ARCN1: variants seen among roughly 807,000 people sequenced by gnomAD.
The protein encoded by ARCN1 is archain 1 coat protein complex I subunit delta.
Under a neutral mutation model 60.4 loss-of-function variants are expected in ARCN1, and 5 were observed. That is an observed-to-expected ratio of 0.08 (90% CI 0.04 to 0.17). ARCN1 has a LOEUF of 0.17. ARCN1 is among the 10% of genes least tolerant of loss of function. The pLI is 1.00. For synonymous variants in ARCN1, 224 were observed against 220.0 expected, an observed-to-expected ratio of 1.02 and a Z score of -0.16; for missense variants, 464 against 626.5, an observed-to-expected ratio of 0.74 and a Z score of 2.77.
At chr11:118,584,457 G>T (rs782755055) in intron 4 of ARCN1, 23 bp from the exon 5 acceptor site, 2 of 1,591,580 alleles carry the variant, frequency 1.3e-6, no homozygotes, top group East Asian at 2.2e-5. Flanking sequence ...TTTGGGTAAT[G>T]AATTTCAAAT....
intron 8 of ARCN1, among the ~76,000 whole-genome samples, chr11:118,597,402 T>C (rs1408487847): frequency 6.6e-6 from 1 of 152,208 alleles, no homozygotes; most frequent in Non-Finnish European, 1.5e-5. Context: ...AACATAGCCA[T>C]CTTAACACAT....
chr11:118,597,866 T>C lies in ARCN1; in HGVS notation c.1401T>C (p.Pro467=). ...SIAGQPNDFF[P]VQVSFVSKKN... is the part of the protein sequence containing the mutation. ...CTGGGCAGCCCAATGACTTCTTCCC[T>C]GTTCAAGTTTCCTTTGTCTCCAAGA... Residue 467 remains proline, a synonymous_variant, in exon 9 of 10, where the codon CCT becomes CCC. Coordinates refer to ENST00000264028, the MANE Select transcript of ARCN1 (RefSeq NM_001655.5). The C allele has an allele frequency of 1.2e-6, 2 of 1,614,220 alleles. No individual in the cohort carries two copies. The highest frequency in any genetic ancestry group is 1.7e-6 in the Non-Finnish European group (2 of 1,180,040).
At chr11:118,597,954 G>A in intron 9 of ARCN1, 43 bp downstream of exon 9, 1 of 1,601,044 alleles carries the variant, frequency 6.2e-7, no homozygotes, top group Non-Finnish European at 8.5e-7. Flanking sequence ...AAAGTGGTAG[G>A]ACAGTAGGAA....
At chr11:118,574,845 C>T (rs1938449398) in intron 1 of ARCN1, among the ~76,000 whole-genome samples, 1 of 151,996 alleles carries the variant, frequency 6.6e-6, no homozygotes, top group South Asian at 2.1e-4. Context: ...TAGTGCACTG[C>T]GGCCTAGAAC....
At position 118,601,546 on chromosome 11, in the gene ARCN1, C is replaced by A; in HGVS notation, c.*832C>A. ...GTTTACAGGCATTATATTTATTTGG[C>A]ACTCCTGGAACAAGTATATCTAACC... is the stretch of plus-strand genomic sequence containing the variant. On this transcript the variant is annotated 3_prime_UTR_variant, in exon 10 of 10. Coordinates refer to ENST00000264028, the MANE Select transcript of ARCN1 (RefSeq NM_001655.5). 1.5e-6 allele frequency: 1 copy of A among 668,818 alleles called. No homozygotes were observed. 41.4% of individuals were successfully genotyped at this position (668,818 alleles called of 1,614,324 possible). A position where few individuals can be genotyped will look rare whatever the true frequency, so the allele number is the denominator to read the frequency against.
At position 118,584,616 on chromosome 11, in the gene ARCN1, A is replaced by G. The variant is rs1214694323; in HGVS notation, c.790A>G (p.Met264Val). Residue 264 changes from methionine to valine, a missense_variant, in exon 5 of 10, where the codon ATG becomes GTG. By Grantham distance (21) the Met-to-Val change is conservative. Transcript: ENST00000264028. Reference protein sequence around the residue: ...MGKRTSEATKMHAPPINMESV... With the variant: ...MGKRTSEATKVHAPPINMESV... ...CAAGCGTACTTCTGAAGCAACCAAA[A>G]TGCATGCTCCACCCATTAATATGGA... The G allele has an allele frequency of 4.3e-6, 7 of 1,610,202 alleles. 1 individual carries two copies. The South Asian group carries it at 4.4e-5, about 10-fold the overall frequency.
chr11:118,573,339 A>ATG (rs1555072819), intron 1 of ARCN1, among the ~76,000 whole-genome samples: 1 of 152,120 alleles, frequency 6.6e-6, no homozygotes, highest in East Asian at 1.9e-4. Context: ...AGTAAGAGGG[A>ATG]TGGGTTAGCC....
At chr11:118,583,134 CT>C (rs1555074902) in intron 2 of ARCN1, 44 bp from the exon 3 acceptor site, 2 of 1,591,902 alleles carry the variant, frequency 1.3e-6, no homozygotes, top group South Asian at 2.2e-5. Flanking sequence ...AATATAGCTG[CT>C]GATAAATTCT....
At chr11:118,591,380 C>CTGTTTTGTTT (rs554236038) in intron 6 of ARCN1, among the ~76,000 whole-genome samples, 1 of 152,034 alleles carries the variant, frequency 6.6e-6, no homozygotes, top group African/African-American at 2.4e-5. Flanking sequence ...AAAGTGATTT[C>CTGTTTTGTTT]TGTTTTGTTT....
chr11:118,574,349 G>A (rs879989336), intron 1 of ARCN1, among the ~76,000 whole-genome samples: 4 of 152,036 alleles, frequency 2.6e-5, no homozygotes, highest in African/African-American at 4.8e-5. Flanking sequence ...TCCAGATAGG[G>A]TGAAATTTTT....
intron 5 of ARCN1, among the ~76,000 whole-genome samples, chr11:118,586,367 G>A (rs1285997142): frequency 3.3e-5 from 5 of 152,150 alleles, no homozygotes; most frequent in Non-Finnish European, 5.9e-5. Context: ...AAAGTGCTTG[G>A]ATTATAGGCG....
rs80146865 is a variant in ARCN1 at position 118,582,036 on chromosome 11, G to A, written c.267+527G>A. Among the ~76,000 whole-genome samples the A allele has an allele frequency of 2.8e-4, 43 of 152,226 alleles. No individual in the cohort carries two copies. The East Asian group carries it at 7.2e-3, about 25-fold the overall frequency. On this transcript the variant is annotated intron_variant, in intron 2 of 9. Transcript: ENST00000264028. Reference sequence around the variant, plus strand: ...AGGCCAGGTGCGGTAGCATGTGCCTGTAGTCCAAGCTACTCAGGAGGCTGA... The same window carrying A: ...AGGCCAGGTGCGGTAGCATGTGCCTATAGTCCAAGCTACTCAGGAGGCTGA...
intron 1 of ARCN1, among the ~76,000 whole-genome samples, chr11:118,575,189 A>G (rs1404383214): frequency 6.6e-6 from 1 of 152,136 alleles, no homozygotes; most frequent in African/African-American, 2.4e-5. Context: ...CATGTTAGCC[A>G]GGATAGTCTC....
At chr11:118,590,316 C>A in intron 5 of ARCN1, 25 bp from the exon 6 acceptor site, 1 of 1,598,980 alleles carries the variant, frequency 6.3e-7, no homozygotes, top group East Asian at 2.2e-5. Context: ...CCTTTCTGAA[C>A]AAATGTATTA....
chr11:118,572,455 C>T lies in ARCN1; in HGVS notation c.-93C>T. 1.5e-6 allele frequency: 2 copies of T among 1,368,620 alleles called. No homozygotes were observed. Among genetic ancestry groups the T allele is most frequent in the South Asian group, 1.3e-5 (1 of 77,580 alleles). The allele number at this position is 1,368,620 out of a possible 1,614,324, so 84.8% of individuals were successfully genotyped here. A position where few individuals can be genotyped will look rare whatever the true frequency, so the allele number is the denominator to read the frequency against. ...GCAGCGGTTCCTGTCAAGGGGGCAG[C>T]AGGTCCAGAGCTGCTGGTGCTCCCG... On this transcript the variant is annotated 5_prime_UTR_variant, in exon 1 of 10. Transcript: ENST00000264028.
In ARCN1 at chr11:118,602,964, G is replaced by C. The variant is rs1265979000; in HGVS notation, c.*2250G>C. The C allele has an allele frequency of 1.3e-5, 2 of 153,708 alleles. No individual in the cohort carries two copies. Among genetic ancestry groups the C allele is most frequent in the African/African-American group, 4.8e-5 (2 of 41,428 alleles). The allele number at this position is 153,708 out of a possible 1,614,324, so 9.5% of individuals were successfully genotyped here. ...GGATTATTGACTCACTTTGGTGTCT[G>C]CTTGTTGATTCAGGATGCTGTAATG... On this transcript the variant is annotated 3_prime_UTR_variant, in exon 10 of 10. Transcript: ENST00000264028.
chr11:118,594,876 G>A (rs571341686), intron 8 of ARCN1, among the ~76,000 whole-genome samples: 59 of 151,482 alleles, frequency 3.9e-4, no homozygotes, highest in African/African-American at 1.4e-3. Context: ...TTTTGAGACA[G>A]TCTCACTCTG....
In ARCN1 at chr11:118,583,992, A is replaced by G. The variant is rs140083980; in HGVS notation, c.631A>G (p.Lys211Glu). ...GACCATCATTGAAACTGATAAACCA[A>G]AAGTGGCACCTGCACCAGCCAGGTA... Reference protein sequence around the residue: ...TETIIETDKPKVAPAPARPSG... With the variant: ...TETIIETDKPEVAPAPARPSG... Residue 211 changes from lysine to glutamate, a missense_variant, in exon 4 of 10, where the codon AAA (lysine) becomes GAA (glutamate). Coordinates refer to ENST00000264028, the MANE Select transcript of ARCN1 (RefSeq NM_001655.5). 1.2e-6 allele frequency: 2 copies of G among 1,614,070 alleles called. No homozygotes were observed. Among genetic ancestry groups the G allele is most frequent in the African/African-American group, 1.3e-5 (1 of 74,928 alleles).
intron 2 of ARCN1, 76 bp from the exon 3 acceptor site, chr11:118,583,103 C>T: frequency 6.7e-7 from 1 of 1,497,682 alleles, no homozygotes; most frequent in Non-Finnish European, 9.2e-7. Flanking sequence ...AATTTATGTA[C>T]TCTAAAGGAT....
Sources: allele counts gnomAD v4.1 joint callset (sites outside exome capture counted in the v4.1 genomes callset), GRCh38; gene constraint gnomAD v4.1.1; transcripts MANE v1.5; gene names NCBI Gene and HGNC (gene_info 2026-07-23, HGNC 2026-07-21).